TEAD1: variants seen among roughly 807,000 people sequenced by gnomAD.
TEAD1 encodes the protein TEA domain transcription factor 1.
A neutral mutation model predicts 54.9 loss-of-function variants in TEAD1; 9 were observed. The ratio of observed to expected loss-of-function variants is 0.16; its 90% CI spans 0.10 to 0.29. The LOEUF (loss-of-function observed/expected upper bound fraction) is 0.29, where lower values mean the gene tolerates loss of function less well. Among genes scored for constraint, TEAD1 ranks in the 10% least tolerant of loss-of-function variants. TEAD1 has a pLI of 1.00. For missense variants in TEAD1, 387 were observed against 535.9 expected (o/e 0.72, Z 2.74); for synonymous variants, 200 against 187.8 (o/e 1.07, Z -0.53).
At chr11:12,713,275 C>T (rs1036718637) in intron 2 of TEAD1, among the ~76,000 whole-genome samples, 7 of 152,196 alleles carry the variant, frequency 4.6e-5, no homozygotes, top group South Asian at 2.1e-4. Context: ...CTGCCTCAGC[C>T]TCCCAAAGTG....
Position 12,757,961 on chromosome 11 carries a change from G to T in TEAD1, c.-54-6218G>T, listed in dbSNP as rs144553954. 1.9e-4 allele frequency among the ~76,000 whole-genome samples: 29 copies of T among 151,962 alleles called. No homozygotes were observed. The East Asian group carries it at 5.7e-3, about 30-fold the overall frequency. On this transcript the variant is annotated intron_variant, in intron 2 of 12. Transcript: ENST00000527636. ...CGCCTGACTAATTTTTGTATTTTTA[G>T]TAGAGACGGAGTTTCACTGTGTTGA...
At chr11:12,889,922 A>G (rs978655040) in intron 9 of TEAD1, among the ~76,000 whole-genome samples, 11 of 152,064 alleles carry the variant, frequency 7.2e-5, no homozygotes, top group African/African-American at 2.7e-4. Context: ...GGGTTTTACT[A>G]TGTTGCCCAA....
chr11:12,916,402 C>T (rs1335156480), intron 10 of TEAD1, among the ~76,000 whole-genome samples: 1 of 152,078 alleles, frequency 6.6e-6, no homozygotes, highest in Non-Finnish European at 1.5e-5. Flanking sequence ...ACTCTTGTCT[C>T]GTTGAGGAAA....
At chr11:12,855,603 A>G (rs558029399) in intron 3 of TEAD1, among the ~76,000 whole-genome samples, 126 of 151,750 alleles carry the variant, frequency 8.3e-4, no homozygotes, top group African/African-American at 2.9e-3. Context: ...GTTGGCTTTC[A>G]TATCCTAAAA....
chr11:12,932,554 CT>C (rs1221564871), intron 12 of TEAD1, among the ~76,000 whole-genome samples: 4 of 152,134 alleles, frequency 2.6e-5, no homozygotes, highest in Non-Finnish European at 5.9e-5. Context: ...GTTAAAGCCC[CT>C]GTTACCCACA....
At chr11:12,845,836 C>A (rs2134042168) in intron 3 of TEAD1, among the ~76,000 whole-genome samples, 1 of 152,340 alleles carries the variant, frequency 6.6e-6, no homozygotes, top group South Asian at 2.1e-4. Context: ...GGTCGCCTCT[C>A]TGGGTGTCCC....
chr11:12,824,214 A>G (rs532449599), intron 3 of TEAD1, among the ~76,000 whole-genome samples: 59 of 152,304 alleles, frequency 3.9e-4, no homozygotes, highest in East Asian at 2.1e-3. Flanking sequence ...GGTTTATTGC[A>G]TAGTATAATG....
intron 4 of TEAD1, among the ~76,000 whole-genome samples, chr11:12,864,323 C>G (rs969199358): frequency 6.6e-6 from 1 of 152,114 alleles, no homozygotes; most frequent in Non-Finnish European, 1.5e-5. Context: ...ACCTTTACTC[C>G]CACCTTTTTA....
At chr11:12,853,021 T>C (rs1947306067) in intron 3 of TEAD1, among the ~76,000 whole-genome samples, 1 of 152,216 alleles carries the variant, frequency 6.6e-6, no homozygotes, top group Non-Finnish European at 1.5e-5. Flanking sequence ...CTTTATAATA[T>C]TGTGGTCTTT....
intron 3 of TEAD1, among the ~76,000 whole-genome samples, chr11:12,792,232 A>G (rs78869673): frequency 0.024 from 3,728 of 152,260 alleles, 64 homozygotes; most frequent in Non-Finnish European, 0.039. Flanking sequence ...TAGATAACTA[A>G]TAACTCTCTG....
At chr11:12,744,681 A>G (rs955663223) in intron 2 of TEAD1, among the ~76,000 whole-genome samples, 14 of 152,252 alleles carry the variant, frequency 9.2e-5, no homozygotes, top group African/African-American at 3.4e-4. Flanking sequence ...GGTGTTCCAG[A>G]AATATTTTTA....
intron 5 of TEAD1, among the ~76,000 whole-genome samples, chr11:12,867,677 T>G (rs560295235): frequency 6.6e-6 from 1 of 152,256 alleles, no homozygotes; most frequent in Non-Finnish European, 1.5e-5. Context: ...AGCACATTTG[T>G]GAGGAGGCAG....
chr11:12,895,354 A>G (rs11022536), intron 9 of TEAD1, among the ~76,000 whole-genome samples: 12,948 of 152,222 alleles, frequency 0.085, 1,068 homozygotes, highest in East Asian at 0.46. Flanking sequence ...GTCAAAATAG[A>G]AATCCACATA....
chr11:12,691,049 C>A (rs1436897542), intron 2 of TEAD1, among the ~76,000 whole-genome samples: 2 of 152,252 alleles, frequency 1.3e-5, no homozygotes, highest in South Asian at 2.1e-4. Context: ...TCTCACCCAA[C>A]CCATTCCTCT....
At chr11:12,737,356 G>C (rs1001990004) in intron 2 of TEAD1, among the ~76,000 whole-genome samples, 6 of 151,740 alleles carry the variant, frequency 4.0e-5, no homozygotes, top group African/African-American at 1.5e-4. Flanking sequence ...ATCATCTCAG[G>C]TCCTCAGATA....
intron 4 of TEAD1, among the ~76,000 whole-genome samples, chr11:12,863,162 G>T (rs1947542694): frequency 6.6e-6 from 1 of 152,214 alleles, no homozygotes; most frequent in South Asian, 2.1e-4. Flanking sequence ...CTAAACCGTG[G>T]TCTCATTAAG....
At chr11:12,687,621 G>T (rs1256102687) in intron 2 of TEAD1, among the ~76,000 whole-genome samples, 2 of 152,112 alleles carry the variant, frequency 1.3e-5, no homozygotes, top group Admixed American at 1.3e-4. Flanking sequence ...TGAAACAAAG[G>T]TAGGCTTCTC....
chr11:12,772,983 A>C (rs3993110), intron 3 of TEAD1, among the ~76,000 whole-genome samples: 78,516 of 152,064 alleles, frequency 0.52, 22,205 homozygotes, highest in African/African-American at 0.76. Context: ...TCCTCTGTTT[A>C]TAAAATTTTG....
chr11:12,923,092 C>T (rs1948841884), intron 10 of TEAD1, among the ~76,000 whole-genome samples: 2 of 152,070 alleles, frequency 1.3e-5, no homozygotes, highest in Middle Eastern at 3.4e-3. Flanking sequence ...TATATACATA[C>T]TTTCTGCTCT....
Sources: gnomAD v4.1 joint callset for allele counts (sites outside exome capture counted in the v4.1 genomes callset) on GRCh38, gnomAD v4.1.1 for gene constraint, MANE v1.5 for transcripts, NCBI Gene and HGNC (gene_info 2026-07-23, HGNC 2026-07-21) for gene names.